IGF2BP3: variants seen among roughly 807,000 people sequenced by gnomAD.
IGF2BP3 encodes insulin-like growth factor 2 mRNA-binding protein 3.
In IGF2BP3, 9 loss-of-function variants were observed where a neutral mutation model predicts 73.8. The observed-to-expected ratio is 0.12, with a 90% CI of 0.07 to 0.21. The LOEUF (loss-of-function observed/expected upper bound fraction) is 0.21. IGF2BP3 is among the 10% of genes least tolerant of loss of function. The pLI is 1.00. For synonymous variants in IGF2BP3, 258 were observed against 256.7 expected, an observed-to-expected ratio of 1.01 and a Z score of -0.05; for missense variants, 542 against 714.0, an observed-to-expected ratio of 0.76 and a Z score of 2.75.
At chr7:23,331,145 T>C (rs895072304) in intron 10 of IGF2BP3, among the ~76,000 whole-genome samples, 2 of 152,206 alleles carry the variant, frequency 1.3e-5, no homozygotes, top group African/African-American at 4.8e-5. Context: ...ACTAAGATGA[T>C]TTCTTCCTTT....
At chr7:23,460,373 CA>C (rs921250358) in intron 2 of IGF2BP3, among the ~76,000 whole-genome samples, 1 of 149,394 alleles carries the variant, frequency 6.7e-6, no homozygotes, top group Non-Finnish European at 1.5e-5. Flanking sequence ...ACTAAATATA[CA>C]AAAAAAAATC....
At chr7:23,321,474 A>C (rs1330579027) in intron 10 of IGF2BP3, among the ~76,000 whole-genome samples, 4 of 152,222 alleles carry the variant, frequency 2.6e-5, no homozygotes, top group East Asian at 1.9e-4. Flanking sequence ...ATCAAACTGC[A>C]AGGCGGCAGC....
chr7:23,420,049 C>G (rs1001748281), intron 2 of IGF2BP3, among the ~76,000 whole-genome samples: 3 of 152,274 alleles, frequency 2.0e-5, no homozygotes, highest in South Asian at 2.1e-4. Context: ...CTGTATGAGA[C>G]TATACCATAG....
At chr7:23,403,804 A>C (rs567931982) in intron 3 of IGF2BP3, among the ~76,000 whole-genome samples, 1 of 152,130 alleles carries the variant, frequency 6.6e-6, no homozygotes, top group Non-Finnish European at 1.5e-5. Flanking sequence ...TGGCTCTAAG[A>C]ATATAACAAG....
intron 10 of IGF2BP3, among the ~76,000 whole-genome samples, chr7:23,324,393 G>C (rs1216907714): frequency 6.6e-6 from 1 of 151,388 alleles, no homozygotes; most frequent in Admixed American, 6.6e-5. Flanking sequence ...TCTCTGAATA[G>C]ACCAATAACA....
At chr7:23,334,906 C>A (rs568354469) in intron 10 of IGF2BP3, among the ~76,000 whole-genome samples, 175 of 152,110 alleles carry the variant, frequency 1.2e-3, no homozygotes, top group African/African-American at 3.8e-3. Context: ...TGTCAGCCAA[C>A]ATGATCAGCC....
chr7:23,349,139 TAAGTAC>T (rs1332950179), intron 6 of IGF2BP3, among the ~76,000 whole-genome samples: 8 of 152,206 alleles, frequency 5.3e-5, no homozygotes, highest in Non-Finnish European at 1.2e-4. Flanking sequence ...CATTTTTTAA[TAAGTAC>T]AAGAAAGAAA....
At chr7:23,319,607 A>T (rs1345180263) in intron 10 of IGF2BP3, among the ~76,000 whole-genome samples, 1 of 152,178 alleles carries the variant, frequency 6.6e-6, no homozygotes, top group Non-Finnish European at 1.5e-5. Context: ...ACCACTCTCA[A>T]GGTAGATTCT....
At chr7:23,406,832 T>C (rs1786846779) in intron 3 of IGF2BP3, among the ~76,000 whole-genome samples, 1 of 152,172 alleles carries the variant, frequency 6.6e-6, no homozygotes, top group African/African-American at 2.4e-5. Context: ...TGCTGATTGG[T>C]GTGTTTACAA....
chr7:23,377,461 A>G (rs1785764347), intron 3 of IGF2BP3, among the ~76,000 whole-genome samples: 1 of 152,236 alleles, frequency 6.6e-6, no homozygotes, highest in South Asian at 2.1e-4. Flanking sequence ...TATAATTGAA[A>G]AGACAAATAA....
chr7:23,370,961 G>A (rs891162085), intron 3 of IGF2BP3, among the ~76,000 whole-genome samples: 13 of 152,132 alleles, frequency 8.5e-5, no homozygotes, highest in Admixed American at 3.3e-4. Context: ...TTACAGGCGT[G>A]AGTCACTGCG....
chr7:23,456,037 G>A (rs535094329), intron 2 of IGF2BP3, among the ~76,000 whole-genome samples: 1 of 152,098 alleles, frequency 6.6e-6, no homozygotes, highest in Admixed American at 6.6e-5. Context: ...TCAACTATGA[G>A]CACAGGCACT....
intron 3 of IGF2BP3, among the ~76,000 whole-genome samples, chr7:23,381,467 T>G (rs995820860): frequency 2.0e-5 from 3 of 152,218 alleles, no homozygotes; most frequent in African/African-American, 7.2e-5. Flanking sequence ...GTTGATAAAT[T>G]TTGAAGCTGG....
At chr7:23,411,516 C>T (rs1787019745) in intron 3 of IGF2BP3, among the ~76,000 whole-genome samples, 1 of 152,158 alleles carries the variant, frequency 6.6e-6, no homozygotes. Context: ...AGGAGGTGGA[C>T]ACTGTAGTGA....
At chr7:23,381,336 T>C (rs957648381) in intron 3 of IGF2BP3, among the ~76,000 whole-genome samples, 2 of 152,196 alleles carry the variant, frequency 1.3e-5, no homozygotes, top group Non-Finnish European at 2.9e-5. Flanking sequence ...AGTCAGGATG[T>C]GAACCCACAC....
At chr7:23,325,283 C>T (rs1286756805) in intron 10 of IGF2BP3, among the ~76,000 whole-genome samples, 1 of 152,032 alleles carries the variant, frequency 6.6e-6, no homozygotes, top group African/African-American at 2.4e-5. Context: ...CAATAACAGA[C>T]AAACAGAGAG....
intron 3 of IGF2BP3, among the ~76,000 whole-genome samples, chr7:23,361,988 A>G (rs1412810338): frequency 6.6e-6 from 1 of 152,230 alleles, no homozygotes; most frequent in African/African-American, 2.4e-5. Context: ...GGCTCAGAAA[A>G]GTATGCAAAG....
intron 10 of IGF2BP3, among the ~76,000 whole-genome samples, chr7:23,335,730 C>T (rs776273670): frequency 4.4e-4 from 67 of 152,324 alleles, no homozygotes; most frequent in Non-Finnish European, 8.8e-4. Flanking sequence ...GCCAGCAGCC[C>T]TTGGGATTAC....
intron 3 of IGF2BP3, among the ~76,000 whole-genome samples, chr7:23,378,793 C>G (rs1583961568): frequency 1.3e-5 from 2 of 151,864 alleles, no homozygotes; most frequent in African/African-American, 4.8e-5. Flanking sequence ...AGGATGGTCT[C>G]AATCTCTTGA....
Sources: allele counts gnomAD v4.1 joint callset (sites outside exome capture counted in the v4.1 genomes callset), GRCh38; gene constraint gnomAD v4.1.1; transcripts MANE v1.5; gene names NCBI Gene and HGNC (gene_info 2026-07-23, HGNC 2026-07-21).